Variants in STK10 observed in about 807,000 individuals in gnomAD.
STK10 encodes serine/threonine-protein kinase 10.
In STK10, 78 loss-of-function variants were observed where a neutral mutation model predicts 113.8. That is an observed-to-expected ratio of 0.69 (90% CI 0.57 to 0.83). STK10 has a LOEUF of 0.83. Ranked by LOEUF, STK10 falls within the 40% of genes least tolerant of loss-of-function variation. The pLI is 0.00. For synonymous variants in STK10, 465 were observed against 494.7 expected (o/e 0.94, Z 0.80); for missense variants, 1,109 against 1,280.1 (o/e 0.87, Z 2.04).
At chr5:172,146,944 C>A (rs1287817293) in intron 2 of STK10, among the ~76,000 whole-genome samples, 9 of 152,330 alleles carry the variant, frequency 5.9e-5, no homozygotes, top group African/African-American at 1.9e-4. Context: ...AGGCTGAGGG[C>A]TCAGGCCCCG....
At chr5:172,135,262 C>T (rs1769828350) in intron 2 of STK10, among the ~76,000 whole-genome samples, 2 of 152,144 alleles carry the variant, frequency 1.3e-5, no homozygotes, top group African/African-American at 2.4e-5. Flanking sequence ...TCTGTGATCC[C>T]AGCACTTTGG....
intron 1 of STK10, among the ~76,000 whole-genome samples, chr5:172,178,317 C>T (rs999956242): frequency 2.0e-5 from 3 of 152,188 alleles, no homozygotes; most frequent in African/African-American, 4.8e-5. Flanking sequence ...TCAGCAACCT[C>T]GGGCCACTCA....
At chr5:172,074,729 A>C (rs894620444) in intron 12 of STK10, among the ~76,000 whole-genome samples, 1 of 152,188 alleles carries the variant, frequency 6.6e-6, no homozygotes, top group Non-Finnish European at 1.5e-5. Flanking sequence ...ACTAATTAAA[A>C]AATTAGCAGC....
At chr5:172,062,229 C>T (rs1463507588) in intron 13 of STK10, among the ~76,000 whole-genome samples, 6 of 152,172 alleles carry the variant, frequency 3.9e-5, no homozygotes, top group Non-Finnish European at 7.4e-5. Context: ...CCACCCGCCT[C>T]GGCCTCCCTA....
rs1768755507 is a variant in STK10, at chr5:172,093,038, G to A, written c.1554+374C>T. ...TCGCAACACTGCCCACCTCCAGAAA[G>A]GCCCCGGAGGCGGGGAAGATGGCTT... is the stretch of plus-strand genomic sequence containing the variant. On this transcript the variant is annotated intron_variant, in intron 9 of 18. Coordinates refer to ENST00000176763, the MANE Select transcript of STK10 (RefSeq NM_005990.4). This position sits in a 1 kb window ranked among gnomAD's most constrained non-coding sequence, Gnocchi z 4.1. 5.4e-6 allele frequency: 1 copy of A among 185,014 alleles called. No homozygotes were observed. The highest frequency in any genetic ancestry group is 1.2e-4 in the South Asian group (1 of 8,656). The allele number at this position is 185,014 out of a possible 1,614,324, so 11.5% of individuals were successfully genotyped here.
At chr5:172,089,716 G>A (rs922939301) in intron 10 of STK10, among the ~76,000 whole-genome samples, 1 of 152,042 alleles carries the variant, frequency 6.6e-6, no homozygotes, top group African/African-American at 2.4e-5. Flanking sequence ...ATAGATGGAA[G>A]GTGAGTGAGT....
chr5:172,055,110 T>G (rs1170405843), intron 16 of STK10, among the ~76,000 whole-genome samples: 1 of 152,208 alleles, frequency 6.6e-6, no homozygotes, highest in African/African-American at 2.4e-5. Flanking sequence ...AGAGGTGAAT[T>G]CACCATGAGG....
rs1021492041 is a variant in STK10, at chr5:172,083,016, T to C, written c.1754A>G (p.Asn585Ser). The C allele has an allele frequency of 6.2e-7, 1 of 1,614,144 alleles. No homozygotes were observed. Among genetic ancestry groups the C allele is most frequent in the South Asian group, 1.1e-5 (1 of 91,064 alleles). Residue 585 changes from asparagine (N) to serine (S), a missense_variant, in exon 11 of 19, where the codon AAC becomes AGC. Coordinates refer to ENST00000176763, the MANE Select transcript of STK10 (RefSeq NM_005990.4). ...TTGCTCCAGCTGCAGCTCATGCTTG[T>C]TACTCAGCTGGGTCTGGTTCCGATG... ...EEHRNQTQLS[N>S]KHELQLEQMH...
At chr5:172,181,164 C>T (rs75298317) in intron 1 of STK10, among the ~76,000 whole-genome samples, 6,838 of 152,332 alleles carry the variant, frequency 0.045, 197 homozygotes, top group South Asian at 0.1. Flanking sequence ...CTGCTGCCTT[C>T]CCAGCACCCA....
intron 2 of STK10, among the ~76,000 whole-genome samples, chr5:172,147,951 T>C (rs752764718): frequency 6.6e-6 from 1 of 152,186 alleles, no homozygotes; most frequent in Non-Finnish European, 1.5e-5. Context: ...CATGTGATCG[T>C]ATCACACCTG....
At chr5:172,071,481 C>T (rs1768181197) in intron 12 of STK10, among the ~76,000 whole-genome samples, 1 of 151,896 alleles carries the variant, frequency 6.6e-6, no homozygotes, top group Non-Finnish European at 1.5e-5. Flanking sequence ...GGGGATTTTC[C>T]CTGTAGGGAG....
At chr5:172,149,391 G>A (rs990743029) in intron 2 of STK10, among the ~76,000 whole-genome samples, 3 of 152,116 alleles carry the variant, frequency 2.0e-5, no homozygotes, top group Non-Finnish European at 4.4e-5. Context: ...TGAGCCTTAG[G>A]GTGTCTGTCC....
chr5:172,094,636 G>A lies in STK10; in HGVS notation c.1006-676C>T, dbSNP rs748824066. Among the ~76,000 whole-genome samples, 7 of 152,068 alleles carry A rather than the reference G, an allele frequency of 4.6e-5. No individual in the cohort carries two copies. The East Asian group carries it at 1.2e-3, about 25-fold the overall frequency. On this transcript the variant is annotated intron_variant, in intron 8 of 18. Coordinates refer to ENST00000176763, the MANE Select transcript of STK10 (RefSeq NM_005990.4). Reference sequence around the variant, plus strand: ...TGGACTCAAGTGATCTGCCCGCCTCGGCCTCCCAAAGTGCTGGGATTAGAG... The same window carrying A: ...TGGACTCAAGTGATCTGCCCGCCTCAGCCTCCCAAAGTGCTGGGATTAGAG...
At chr5:172,169,108 C>A (rs151013888) in intron 1 of STK10, among the ~76,000 whole-genome samples, 14 of 152,288 alleles carry the variant, frequency 9.2e-5, no homozygotes, top group Middle Eastern at 3.4e-3. Context: ...AATCAGCCAG[C>A]AAAATCGAAC....
At chr5:172,173,621 G>A (rs978208995) in intron 1 of STK10, among the ~76,000 whole-genome samples, 6 of 152,182 alleles carry the variant, frequency 3.9e-5, no homozygotes, top group African/African-American at 1.4e-4. Flanking sequence ...CTGGGATGCA[G>A]GCTTATTTTA....
chr5:172,099,119 C>A (rs1247257033), intron 7 of STK10, among the ~76,000 whole-genome samples: 2 of 151,892 alleles, frequency 1.3e-5, no homozygotes, highest in Admixed American at 6.6e-5. Context: ...ATCACTATCA[C>A]CATCATTACC....
At chr5:172,162,701 A>C (rs2113824334) in intron 1 of STK10, among the ~76,000 whole-genome samples, 1 of 152,316 alleles carries the variant, frequency 6.6e-6, no homozygotes, top group South Asian at 2.1e-4. Context: ...TGACCAAGGC[A>C]ACCACCTTGA....
intron 12 of STK10, among the ~76,000 whole-genome samples, chr5:172,067,509 G>A (rs1305139783): frequency 2.0e-5 from 3 of 152,022 alleles, no homozygotes; most frequent in African/African-American, 7.2e-5. Flanking sequence ...ATAGATGTCA[G>A]CTCCGGGATG....
At chr5:172,144,178 C>T (rs1310601189) in intron 2 of STK10, among the ~76,000 whole-genome samples, 1 of 152,248 alleles carries the variant, frequency 6.6e-6, no homozygotes, top group Non-Finnish European at 1.5e-5. Context: ...AGCCACTCAG[C>T]TAATAAGTGA....
Sources: gnomAD v4.1 joint callset for allele counts (sites outside exome capture counted in the v4.1 genomes callset) on GRCh38, gnomAD v4.1.1 for gene constraint, Gnocchi (gnomAD v3.1) non-coding constraint, MANE v1.5 for transcripts, NCBI Gene and HGNC (gene_info 2026-07-23, HGNC 2026-07-21) for gene names.